Variants in AGBL1 observed in about 807,000 individuals in gnomAD.
The protein encoded by AGBL1 is cytosolic carboxypeptidase 4.
Under a neutral mutation model 118.9 loss-of-function variants are expected in AGBL1, and 130 were observed. The observed-to-expected ratio is 1.09, with a 90% CI of 0.95 to 1.26. AGBL1 has a LOEUF of 1.26. AGBL1 is among the 50% of genes most tolerant of loss of function. The pLI is 0.00. For synonymous variants in AGBL1, 555 were observed against 478.9 expected, an observed-to-expected ratio of 1.16 and a Z score of -2.08; for missense variants, 1,584 against 1,298.1, an observed-to-expected ratio of 1.22 and a Z score of -3.38.
At chr15:86,974,707 A>G (rs1331281382) in intron 23 of AGBL1, among the ~76,000 whole-genome samples, 2 of 150,944 alleles carry the variant, frequency 1.3e-5, no homozygotes, top group African/African-American at 4.9e-5. Context: ...TGATCAGAAC[A>G]GAGAGGACAT....
intron 21 of AGBL1, among the ~76,000 whole-genome samples, chr15:86,603,655 C>G (rs966849377): frequency 6.6e-6 from 1 of 151,956 alleles, no homozygotes; most frequent in Non-Finnish European, 1.5e-5. Context: ...GGAGCCTGAC[C>G]CCTTCCCTCT....
At chr15:86,582,663 A>G (rs947451299) in intron 21 of AGBL1, among the ~76,000 whole-genome samples, 1 of 152,194 alleles carries the variant, frequency 6.6e-6, no homozygotes, top group African/African-American at 2.4e-5. Flanking sequence ...CATATACACC[A>G]TGGAATACTA....
At chr15:86,735,675 T>A (rs2077585153) in intron 22 of AGBL1, among the ~76,000 whole-genome samples, 1 of 151,652 alleles carries the variant, frequency 6.6e-6, no homozygotes, top group African/African-American at 2.4e-5. Context: ...TATATTTTAT[T>A]TGTCTGCATA....
intron 18 of AGBL1, among the ~76,000 whole-genome samples, chr15:86,518,606 T>A (rs1209808066): frequency 2.6e-5 from 4 of 152,130 alleles, no homozygotes; most frequent in Non-Finnish European, 5.9e-5. Flanking sequence ...TTTAAGGATT[T>A]CCAGACATTG....
chr15:86,586,965 G>C (rs903858228), intron 21 of AGBL1, among the ~76,000 whole-genome samples: 1 of 152,132 alleles, frequency 6.6e-6, no homozygotes, highest in African/African-American at 2.4e-5. Context: ...TTAAGGGTTT[G>C]TGAGGCATGA....
intron 21 of AGBL1, among the ~76,000 whole-genome samples, chr15:86,665,043 A>G (rs969292762): frequency 6.6e-6 from 1 of 152,164 alleles, no homozygotes; most frequent in African/African-American, 2.4e-5. Flanking sequence ...CCCATATAGC[A>G]TTACAAAAAT....
At chr15:86,942,303 T>G (rs1215861295) in intron 23 of AGBL1, among the ~76,000 whole-genome samples, 1 of 152,298 alleles carries the variant, frequency 6.6e-6, no homozygotes, top group East Asian at 1.9e-4. Context: ...TCCCCTAAGG[T>G]GGAGGAGGAC....
chr15:86,397,086 C>T (rs1160521105), intron 17 of AGBL1, among the ~76,000 whole-genome samples: 2 of 152,018 alleles, frequency 1.3e-5, no homozygotes, highest in African/African-American at 2.4e-5. Flanking sequence ...AGGAGCAATC[C>T]ATCTATTTAA....
At chr15:86,291,491 A>G (rs2079544724) in intron 16 of AGBL1, among the ~76,000 whole-genome samples, 1 of 152,206 alleles carries the variant, frequency 6.6e-6, no homozygotes, top group African/African-American at 2.4e-5. Flanking sequence ...ATTGGCAATC[A>G]AACACACAGG....
intron 21 of AGBL1, among the ~76,000 whole-genome samples, chr15:86,669,533 A>C (rs568617940): frequency 6.6e-6 from 1 of 152,322 alleles, no homozygotes; most frequent in South Asian, 2.1e-4. Flanking sequence ...TTTTTCTAGA[A>C]TTATTGAAAA....
At chr15:86,860,321 T>C (rs1018906844) in intron 22 of AGBL1, among the ~76,000 whole-genome samples, 1 of 152,140 alleles carries the variant, frequency 6.6e-6, no homozygotes, top group Non-Finnish European at 1.5e-5. Context: ...ATCATTATTA[T>C]TGACTATAAC....
intron 22 of AGBL1, among the ~76,000 whole-genome samples, chr15:86,862,135 G>T (rs1333886149): frequency 2.6e-5 from 4 of 152,030 alleles, no homozygotes; most frequent in African/African-American, 9.7e-5. Flanking sequence ...AATCATTTGG[G>T]GTTAAGTGAC....
intron 21 of AGBL1, among the ~76,000 whole-genome samples, chr15:86,579,314 T>G (rs190089640): frequency 6.6e-6 from 1 of 152,270 alleles, no homozygotes; most frequent in Admixed American, 6.5e-5. Flanking sequence ...TGAATTTGGT[T>G]AAAACAAAAA....
chr15:86,816,879 A>C (rs762300445), intron 22 of AGBL1, among the ~76,000 whole-genome samples: 3 of 152,142 alleles, frequency 2.0e-5, no homozygotes, highest in Admixed American at 6.6e-5. Flanking sequence ...AGGTCATTAA[A>C]CCTTCACAGT....
At chr15:86,180,420 C>T (rs994483328) in intron 5 of AGBL1, among the ~76,000 whole-genome samples, 10 of 152,072 alleles carry the variant, frequency 6.6e-5, no homozygotes, top group African/African-American at 1.2e-4. Flanking sequence ...GCAAATTTCA[C>T]GGAGGAATAA....
chr15:86,416,023 C>A (rs923813359), intron 18 of AGBL1, among the ~76,000 whole-genome samples: 7 of 152,090 alleles, frequency 4.6e-5, no homozygotes, highest in African/African-American at 1.7e-4. Context: ...GCTATTACTG[C>A]ATTTTCTGCT....
intron 21 of AGBL1, among the ~76,000 whole-genome samples, chr15:86,571,102 C>A (rs1293407942): frequency 6.6e-6 from 1 of 152,140 alleles, no homozygotes; most frequent in African/African-American, 2.4e-5. Context: ...AAGCAGCTTC[C>A]CTGGCTGGCA....
chr15:86,716,019 T>TCCC (rs1411544760), intron 22 of AGBL1, among the ~76,000 whole-genome samples: 2 of 146,390 alleles, frequency 1.4e-5, no homozygotes. Context: ...TGAGCTGAGA[T>TCCC]GGTACCACTG....
chr15:86,471,706 G>A (rs1011687889), intron 18 of AGBL1, among the ~76,000 whole-genome samples: 10 of 152,126 alleles, frequency 6.6e-5, no homozygotes, highest in South Asian at 4.2e-4. Flanking sequence ...GGGCATTCCA[G>A]TGCTTCTATA....
Sources: gnomAD v4.1 joint callset for allele counts (sites outside exome capture counted in the v4.1 genomes callset) on GRCh38, gnomAD v4.1.1 for gene constraint, MANE v1.5 for transcripts, NCBI Gene and HGNC (gene_info 2026-07-23, HGNC 2026-07-21) for gene names.